Variants in ZFR2 observed in about 807,000 individuals in gnomAD.
ZFR2 encodes zinc finger RNA-binding protein 2.
A neutral mutation model predicts 105.7 loss-of-function variants in ZFR2; 104 were observed. The ratio of observed to expected loss-of-function variants is 0.98; its 90% CI spans 0.84 to 1.16. ZFR2 has a LOEUF of 1.16. Among genes scored for constraint, ZFR2 ranks in the 50% most tolerant of loss-of-function variants. ZFR2 has a pLI of 0.00. For synonymous variants in ZFR2, 634 were observed against 597.7 expected, an observed-to-expected ratio of 1.06 and a Z score of -0.89; for missense variants, 1,425 against 1,355.5, an observed-to-expected ratio of 1.05 and a Z score of -0.80.
In ZFR2 at chr19:3,833,746, G is replaced by T; in HGVS notation, c.297C>A (p.Ala99=). Residue 99 remains alanine (A), a synonymous_variant, in exon 3 of 19, where the codon GCC becomes GCA. Transcript: ENST00000262961. ...DSYSYGQSAA[A]RSYEDRPYFQ... ...AGTACGGCCTGTCCTCATAGCTCCT[G>T]GCAGCTGCTGACTGTCCGTAGCTGT... The T allele has an allele frequency of 6.3e-7, 1 of 1,582,318 alleles. No individual in the cohort carries two copies.
chr19:3,864,709 A>T (rs907547478), intron 1 of ZFR2, among the ~76,000 whole-genome samples: 15 of 151,976 alleles, frequency 9.9e-5, no homozygotes, highest in African/African-American at 3.6e-4. Flanking sequence ...GCTCAATGCT[A>T]ATCTTTCTTT....
chr19:3,862,938 G>A (rs771926450), intron 1 of ZFR2, among the ~76,000 whole-genome samples: 1 of 152,230 alleles, frequency 6.6e-6, no homozygotes, highest in South Asian at 2.1e-4. Flanking sequence ...ATTAGGATGT[G>A]CAAACAGCTG....
At position 3,813,801 on chromosome 19, in the gene ZFR2, AG is replaced by A; in HGVS notation, c.2242+18del. ...AAGCGTGAGGGGGACAGTGGTTGGA[AG>A]GAAGGGCTGGGCCGCACCTGGGTCT... On this transcript the variant is annotated intron_variant, in intron 14 of 18. Transcript: ENST00000262961. The surrounding 1 kb of genome is among the most constrained non-coding windows in gnomAD (Gnocchi z 4.4). The A allele has an allele frequency of 6.2e-7, 1 of 1,612,808 alleles. No individual in the cohort carries two copies. The highest frequency in any genetic ancestry group is 8.5e-7 in the Non-Finnish European group (1 of 1,179,380).
chr19:3,820,742 T>C (rs759849855), intron 10 of ZFR2, among the ~76,000 whole-genome samples: 15 of 105,768 alleles, frequency 1.4e-4, no homozygotes, highest in African/African-American at 4.4e-4. Flanking sequence ...TCATCAGGGG[T>C]CAGGAGACAC....
chr19:3,867,745 GTC>G (rs1460343738), intron 1 of ZFR2, among the ~76,000 whole-genome samples: 5 of 151,992 alleles, frequency 3.3e-5, no homozygotes, highest in Non-Finnish European at 5.9e-5. Context: ...TTCCCGCCAA[GTC>G]TCTGTCCCCC....
rs7247712 is a variant in ZFR2, at chr19:3,834,372, T to C, written c.264+401A>G. Among the ~76,000 whole-genome samples the C allele has an allele frequency of 0.82, 125,194 of 152,018 alleles. 52,207 individuals carry two copies. The highest frequency in any genetic ancestry group is 0.98 in the East Asian group (5,021 of 5,118). ...GACTCCCTCTTAGAAGGTAGGAATC[T>C]GGAGCGTGGGGAAGGTGGGGTGAGT... On this transcript the variant is annotated intron_variant, in intron 2 of 18. Coordinates refer to ENST00000262961, the MANE Select transcript of ZFR2 (RefSeq NM_015174.2). This position sits in a 1 kb window ranked among gnomAD's most constrained non-coding sequence, Gnocchi z 5.3.
At chr19:3,806,502 C>T (rs1035493496) in intron 18 of ZFR2, among the ~76,000 whole-genome samples, 6 of 152,196 alleles carry the variant, frequency 3.9e-5, no homozygotes, top group African/African-American at 9.6e-5. Flanking sequence ...CCTTGTGATC[C>T]GCCCGCCTCG....
intron 17 of ZFR2, among the ~76,000 whole-genome samples, chr19:3,807,574 C>T (rs1441839055): frequency 6.6e-6 from 1 of 151,188 alleles, no homozygotes; most frequent in Non-Finnish European, 1.5e-5. Flanking sequence ...TCCATGCGTG[C>T]CCATGTGCAC....
rs1271675852 is a variant in ZFR2 at position 3,834,886 on chromosome 19, G to A, written c.151C>T (p.Pro51Ser). The change falls in exon 2 of 19, where the codon CCA (proline) becomes TCA (serine). Residue 51 changes from proline to serine, a missense_variant. Coordinates refer to ENST00000262961, the MANE Select transcript of ZFR2 (RefSeq NM_015174.2). This position sits in a 1 kb window ranked among gnomAD's most constrained non-coding sequence, Gnocchi z 5.3. ...MDPAVNPAFP[P>S]AAPAGYGGYQ... ...CCACCGTACCCTGCCGGGGCAGCTG[G>A]GGGAAAGGCCGGGTTCACGGCAGGG... 2 of 1,611,916 alleles carry A rather than the reference G, an allele frequency of 1.2e-6. No homozygotes were observed. Among genetic ancestry groups the A allele is most frequent in the Non-Finnish European group, 1.7e-6 (2 of 1,179,176 alleles).
rs914603641 is a variant in ZFR2 at position 3,834,251 on chromosome 19, G to A, written c.265-473C>T. Among the ~76,000 whole-genome samples, 1 of 152,160 alleles carries A rather than the reference G, an allele frequency of 6.6e-6. No homozygotes were observed. Among genetic ancestry groups the A allele is most frequent in the South Asian group, 2.1e-4 (1 of 4,826 alleles). The stretch of plus-strand genomic sequence containing the variant: ...GCATGGTCACGGGGGACATCTTTGC[G>A]ACACCAAGTGGGAACACGGTGGCTG... On this transcript the variant is annotated intron_variant, in intron 2 of 18. Transcript: ENST00000262961. This position sits in a 1 kb window ranked among gnomAD's most constrained non-coding sequence, Gnocchi z 5.3.
rs762666960 is a variant in ZFR2 at position 3,810,784 on chromosome 19, C to T, written c.2399G>A (p.Arg800Gln). ...CAGGGCCCCCCAGGTGGGCACACGC[C>T]GGCAGAGGTCCCTCAGGACCCTGAT... The part of the protein sequence containing the change: ...IVIRVLRDLC[R>Q]RVPTWGALPA... The change falls in exon 16 of 19, where the codon CGG becomes CAG. Residue 800 changes from arginine to glutamine, a missense_variant. Physicochemically the swap from Arg to Gln is conservative, Grantham distance 43 (BLOSUM62 1). Transcript: ENST00000262961. 1.8e-5 allele frequency: 28 copies of T among 1,550,060 alleles called. No homozygotes were observed. Among genetic ancestry groups the T allele is most frequent in the Middle Eastern group, 1.7e-4 (1 of 5,998 alleles).
At chr19:3,846,957 T>G (rs1460689382) in intron 1 of ZFR2, among the ~76,000 whole-genome samples, 2 of 152,232 alleles carry the variant, frequency 1.3e-5, no homozygotes, top group Non-Finnish European at 2.9e-5. Context: ...GCTTCTGGCT[T>G]GGGGTCTTTT....
chr19:3,863,481 G>A (rs980726593), intron 1 of ZFR2, among the ~76,000 whole-genome samples: 1 of 152,100 alleles, frequency 6.6e-6, no homozygotes, highest in Non-Finnish European at 1.5e-5. Context: ...AGGCTGCAGT[G>A]CAGTGGTGCG....
intron 1 of ZFR2, among the ~76,000 whole-genome samples, chr19:3,837,553 CACCGTG>C (rs1001448228): frequency 2.0e-5 from 3 of 150,826 alleles, no homozygotes; most frequent in African/African-American, 7.3e-5. Flanking sequence ...ACTCGATGAA[CACCGTG>C]ACCGTGACAC....
chr19:3,831,793 G>C lies in ZFR2; in HGVS notation c.465C>G (p.Ser155=), dbSNP rs373299460. 9.3e-6 allele frequency: 15 copies of C among 1,610,040 alleles called. No individual in the cohort carries two copies. The highest frequency in any genetic ancestry group is 1.3e-5 in the Non-Finnish European group (15 of 1,179,432). ...AGGACAAGGTGCTCGCTGGCTGTCC[G>C]GACTCCACTATGGGCGCCTGCTGTG... ...QPPQQAPIVE[S]GQPASTLSSG... Residue 155 remains serine, a synonymous_variant, in exon 4 of 19, where the codon TCC becomes TCG. Coordinates refer to ENST00000262961, the MANE Select transcript of ZFR2 (RefSeq NM_015174.2).
rs1599213474 is a variant in ZFR2, at chr19:3,804,462, A to G, written c.*1487T>C. 1 of 151,656 alleles carries G rather than the reference A, an allele frequency of 6.6e-6. No individual in the cohort carries two copies. Among genetic ancestry groups the G allele is most frequent in the East Asian group, 2.0e-4 (1 of 5,114 alleles). The allele number at this position is 151,656 out of a possible 1,614,324, so 9.4% of individuals were successfully genotyped here. On this transcript the variant is annotated 3_prime_UTR_variant, in exon 19 of 19. Coordinates refer to ENST00000262961, the MANE Select transcript of ZFR2 (RefSeq NM_015174.2). ...GGGAGGAAGGAAGGACGGAAGCTCA[A>G]ATCCAGGCCTCAGTGACACATGGCA...
chr19:3,805,729 C>G lies in ZFR2; in HGVS notation c.*220G>C. 2.0e-6 allele frequency: 1 copy of G among 496,428 alleles called. No homozygotes were observed. Among genetic ancestry groups the G allele is most frequent in the East Asian group, 3.5e-5 (1 of 28,220 alleles). The allele number at this position is 496,428 out of a possible 1,614,324, so 30.8% of individuals were successfully genotyped here. ...CTCTGTTGTCTGGGCTGGCCTTGAA[C>G]TCTCAGGCTCAAGCAACTCAGCCTC... On this transcript the variant is annotated 3_prime_UTR_variant, in exon 19 of 19. Coordinates refer to ENST00000262961, the MANE Select transcript of ZFR2 (RefSeq NM_015174.2).
At position 3,831,550 on chromosome 19, in the gene ZFR2, C is replaced by G; in HGVS notation, c.605G>C (p.Ser202Thr). The change falls in exon 5 of 19, where the codon AGC (serine) becomes ACC (threonine). Residue 202 changes from serine to threonine, a missense_variant. Coordinates refer to ENST00000262961, the MANE Select transcript of ZFR2 (RefSeq NM_015174.2). ...NPTCTAYTAP[S>T]YPNYDASVYS... ...CACCGACGCGTCATAGTTCGGGTAG[C>G]TTGGTGCTGAGCAGCAGAGAAAACA... The G allele has an allele frequency of 6.4e-7, 1 of 1,564,064 alleles. No individual in the cohort carries two copies. The highest frequency in any genetic ancestry group is 8.7e-7 in the Non-Finnish European group (1 of 1,154,716).
At chr19:3,857,525 T>G (rs1332377690) in intron 1 of ZFR2, among the ~76,000 whole-genome samples, 2 of 92,754 alleles carry the variant, frequency 2.2e-5, no homozygotes, top group Admixed American at 1.4e-4. Flanking sequence ...GCCAACATGG[T>G]GTATACAAAA....
Sources: allele counts gnomAD v4.1 joint callset (sites outside exome capture counted in the v4.1 genomes callset), GRCh38; gene constraint gnomAD v4.1.1; non-coding constraint Gnocchi (gnomAD v3.1); transcripts MANE v1.5; gene names NCBI Gene and HGNC (gene_info 2026-07-23, HGNC 2026-07-21).